CEP170B: variants seen among roughly 807,000 people sequenced by gnomAD.
CEP170B encodes the protein centrosomal protein of 170 kDa protein B.
A neutral mutation model predicts 120.6 loss-of-function variants in CEP170B; 55 were observed. The ratio of observed to expected loss-of-function variants is 0.46; its 90% confidence interval spans 0.37 to 0.57. CEP170B has a LOEUF of 0.57. Ranked by LOEUF, CEP170B falls within the 20% of genes least tolerant of loss-of-function variation. The probability of loss-of-function intolerance (pLI) is 0.00; values close to 1 mark genes in which losing one functional copy is unlikely to be tolerated. For synonymous variants in CEP170B, 1,033 were observed against 954.5 expected, an observed-to-expected ratio of 1.08 and a Z score of -1.52; for missense variants, 2,212 against 2,253.3, an observed-to-expected ratio of 0.98 and a Z score of 0.37.
chr14:104,879,430 C>G (rs1238752822), intron 5 of CEP170B, among the ~76,000 whole-genome samples: 1 of 152,130 alleles, frequency 6.6e-6, no homozygotes, highest in African/African-American at 2.4e-5. Flanking sequence ...GGATTTGTTG[C>G]TTCTTAGGGT....
chr14:104,878,827 G>A (rs962537716), intron 5 of CEP170B, among the ~76,000 whole-genome samples: 6 of 152,248 alleles, frequency 3.9e-5, no homozygotes, highest in African/African-American at 1.4e-4. Flanking sequence ...TCAGCCTGCT[G>A]GAGCTCCTGG....
rs2083543 is a variant in CEP170B at position 104,889,696 on chromosome 14, T to G, written c.3816T>G (p.Asp1272Glu). ...CCGGCCCCCGGGACACGGACGACGATGAGGAGGAGCCTGACCCTTATGGTT... is the reference window on the plus strand; with the variant it reads ...CCGGCCCCCGGGACACGGACGACGAGGAGGAGGAGCCTGACCCTTATGGTT... The part of the protein sequence containing the change: ...RAPGPRDTDD[D>E]EEEPDPYGFI... Residue 1272 changes from aspartate (D) to glutamate (E), a missense_variant, in exon 13 of 19, where the codon GAT becomes GAG. Transcript: ENST00000414716. The G allele has an allele frequency of 7.7e-4, 1,245 of 1,611,950 alleles. 11 individuals are homozygous for G. In the African/African-American group the frequency reaches 0.015, roughly 20 times the overall value.
rs72700202 is a variant in CEP170B, at chr14:104,895,087, G to T, written c.*129G>T. ...CCACATGTGCCATATCCCTGTGGGC[G>T]GGTGCCTCCCACGCCCTTGCCCCCT... On this transcript the variant is annotated 3_prime_UTR_variant, in exon 19 of 19. Coordinates refer to ENST00000414716, the MANE Select transcript of CEP170B (RefSeq NM_001112726.3). 1 of 1,137,104 alleles carries T rather than the reference G, an allele frequency of 8.8e-7. No individual in the cohort carries two copies. The highest frequency in any genetic ancestry group is 2.9e-5 in the Admixed American group (1 of 34,134). The allele number at this position is 1,137,104 out of a possible 1,614,324, so 70.4% of individuals were successfully genotyped here.
rs113829281 is a variant in CEP170B, at chr14:104,870,063, G to A, written c.105+1508G>A. Among the ~76,000 whole-genome samples, 758 of 152,186 alleles carry A rather than the reference G, an allele frequency of 5.0e-3. 4 individuals carry two copies. The highest frequency in any genetic ancestry group is 0.015 in the South Asian group (71 of 4,800). ...CTCTTTTCTTTATGCCTTTGGTAGC[G>A]GGAGAGAGTCGGTGGCTGGGGGCAG... is the stretch of plus-strand genomic sequence containing the variant. On this transcript the variant is annotated intron_variant, in intron 2 of 18. Coordinates refer to ENST00000414716, the MANE Select transcript of CEP170B (RefSeq NM_001112726.3). The surrounding 1 kb of genome is among the most constrained non-coding windows in gnomAD (Gnocchi z 4.1).
intron 16 of CEP170B, 105 bp downstream of exon 16, chr14:104,893,954 C>A: frequency 9.6e-7 from 1 of 1,041,916 alleles, no homozygotes. Context: ...TTCATGGGTA[C>A]TCGTGTGCAC....
Position 104,884,060 on chromosome 14 carries a change from C to T in CEP170B, c.1281C>T (p.Ser427=), listed in dbSNP as rs373943144. 2.8e-5 allele frequency: 45 copies of T among 1,608,252 alleles called. No individual in the cohort carries two copies. Among genetic ancestry groups the T allele is most frequent in the Middle Eastern group, 3.3e-4 (2 of 6,054 alleles). Residue 427 remains serine (S), a synonymous_variant, in exon 9 of 19, where the codon TCC becomes TCT. Transcript: ENST00000414716. ...CCCAGTCCTTCACGCACAGCCCGTC[C>T]GGGGACCCCAAGGCCGACAAGCGCC... ...KRSQSFTHSP[S]GDPKADKRRG...
At position 104,887,887 on chromosome 14, in the gene CEP170B, T is replaced by TG; in HGVS notation, c.3649dup (p.Val1217GlyfsTer57). 1 of 1,563,360 alleles carries TG rather than the reference T, an allele frequency of 6.4e-7. No homozygotes were observed. The highest frequency in any genetic ancestry group is 8.6e-7 in the Non-Finnish European group (1 of 1,159,020). On this transcript the variant is annotated frameshift_variant, in exon 12 of 19. Coordinates refer to ENST00000414716, the MANE Select transcript of CEP170B (RefSeq NM_001112726.3). LOFTEE classifies it high-confidence loss of function. ...AGCCCACCATGGCCGAAGCACGGGC[T>TG]GTCTCCAGGAAGGCTGCCAACACAG...
rs753821037 is a variant in CEP170B at position 104,887,414 on chromosome 14, G to T, written c.3175G>T (p.Asp1059Tyr). 1.9e-6 allele frequency: 3 copies of T among 1,611,878 alleles called. No individual in the cohort carries two copies. The African/African-American group carries it at 4.0e-5, about 22-fold the overall frequency. The part of the protein sequence containing the change: ...GPVLAHLPSS[D>Y]VMASNHETPE... ...TGTCCTCGCCCACCTACCCAGCTCA[G>T]ATGTGATGGCCTCCAACCACGAAAC... Residue 1059 changes from aspartate (D) to tyrosine (Y), a missense_variant, in exon 12 of 19, where the codon GAT becomes TAT. Asp to Tyr is a radical substitution (Grantham distance 160). Around this residue, in one of 2 missense-constraint regions of CEP170B, gnomAD observed 2,166 missense variants for 2,166.7 expected, o/e 1.00. Transcript: ENST00000414716.
chr14:104,882,893 G>A, intron 7 of CEP170B, 61 bp downstream of exon 7: 1 of 1,538,702 alleles, frequency 6.5e-7, no homozygotes, highest in African/African-American at 1.4e-5. Context: ...TGTGTGAAGG[G>A]GATGGCCTGG....
At chr14:104,879,641 G>C (rs1000863112) in intron 5 of CEP170B, among the ~76,000 whole-genome samples, 2 of 152,174 alleles carry the variant, frequency 1.3e-5, no homozygotes, top group Non-Finnish European at 2.9e-5. Flanking sequence ...GAGGCCGCCA[G>C]CAGGGGGTGG....
chr14:104,890,043 CA>C (rs1234928448), intron 13 of CEP170B, among the ~76,000 whole-genome samples: 1 of 26,794 alleles, frequency 3.7e-5, no homozygotes, highest in Non-Finnish European at 7.0e-5. Flanking sequence ...GGCAGGTGGG[CA>C]GGTAGATGGA....
At position 104,883,041 on chromosome 14, in the gene CEP170B, C is replaced by T. The variant is rs750424833; in HGVS notation, c.584C>T (p.Pro195Leu). The T allele has an allele frequency of 1.3e-6, 2 of 1,519,648 alleles. No homozygotes were observed. Among genetic ancestry groups the T allele is most frequent in the East Asian group, 2.4e-5 (1 of 41,202 alleles). 94.1% of individuals were successfully genotyped at this position (1,519,648 alleles called of 1,614,324 possible). A position where few individuals can be genotyped will look rare whatever the true frequency, so the allele number is the denominator to read the frequency against. The change falls in exon 8 of 19, where the codon CCC (proline) becomes CTC (leucine). Residue 195 changes from proline (P) to leucine (L), a missense_variant. By Grantham distance (98) the Pro-to-Leu change is moderately conservative. Transcript: ENST00000414716. Reference sequence around the variant, plus strand: ...AGACATCTTCCCACACCAGAGCGCCCCAAGGGACCAGTGCAGCAGGACGGG... The same window carrying T: ...AGACATCTTCCCACACCAGAGCGCCTCAAGGGACCAGTGCAGCAGGACGGG... ...QRQGEPYPER[P>L]KGPVQQDGEL... is the part of the protein sequence containing the mutation.
In CEP170B at chr14:104,893,749, G is replaced by A. The variant is rs201437683; in HGVS notation, c.4183-12G>A. 1.9e-5 allele frequency: 31 copies of A among 1,602,860 alleles called. 1 individual carries two copies. Among genetic ancestry groups the A allele is most frequent in the Middle Eastern group, 1.7e-4 (1 of 6,044 alleles). On this transcript the variant is annotated splice_polypyrimidine_tract_variant and intron_variant, in intron 15 of 18. Transcript: ENST00000414716. The stretch of plus-strand genomic sequence containing the variant: ...TCGAGGGCGGGGCCATGCTGAGGCC[G>A]GGCTCTTGCAGGTGATCTTCGATAA...
At chr14:104,882,378 T>C (rs1224759472) in intron 6 of CEP170B, among the ~76,000 whole-genome samples, 1 of 151,884 alleles carries the variant, frequency 6.6e-6, no homozygotes, top group East Asian at 1.9e-4. Flanking sequence ...CGGGGCAGGG[T>C]TGCAGGACGG....
In CEP170B at chr14:104,870,481, C is replaced by G. The variant is rs1329650013; in HGVS notation, c.105+1926C>G. Among the ~76,000 whole-genome samples, 1 of 152,182 alleles carries G rather than the reference C, an allele frequency of 6.6e-6. No individual in the cohort carries two copies. The highest frequency in any genetic ancestry group is 1.9e-4 in the East Asian group (1 of 5,194). On this transcript the variant is annotated intron_variant, in intron 2 of 18. Transcript: ENST00000414716. This position sits in a 1 kb window ranked among gnomAD's most constrained non-coding sequence, Gnocchi z 4.1. ...GGTGGCATCAGTGATGGCCGCGCTG[C>G]TCTACCTAGGGTGGCTAGGAGGGCT...
In CEP170B at chr14:104,868,165, C is replaced by T. The variant is rs186556513; in HGVS notation, c.-27-259C>T. 6.6e-6 allele frequency among the ~76,000 whole-genome samples: 1 copy of T among 152,234 alleles called. No individual in the cohort carries two copies. Among genetic ancestry groups the T allele is most frequent in the African/African-American group, 2.4e-5 (1 of 41,548 alleles). ...TAGAGGAGATGAGGTGTGCTGGGGC[C>T]TGGAGGATAAGGGAGAACCAGGCAG... is the stretch of plus-strand genomic sequence containing the variant. On this transcript the variant is annotated intron_variant, in intron 1 of 18. Coordinates refer to ENST00000414716, the MANE Select transcript of CEP170B (RefSeq NM_001112726.3). This position sits in a 1 kb window ranked among gnomAD's most constrained non-coding sequence, Gnocchi z 5.9.
intron 4 of CEP170B, 47 bp downstream of exon 4, chr14:104,878,010 C>T (rs2304757): frequency 1.2e-5 from 17 of 1,476,500 alleles, no homozygotes; most frequent in Non-Finnish European, 1.3e-5. Context: ...TTCTCAGTCC[C>T]CAGGACCACA....
At chr14:104,872,383 CAT>C (rs1895588517) in intron 2 of CEP170B, among the ~76,000 whole-genome samples, 2 of 75,156 alleles carry the variant, frequency 2.7e-5, no homozygotes, top group Admixed American at 1.8e-4. Flanking sequence ...CATGGGTGTG[CAT>C]GTGTGCCGTG....
intron 14 of CEP170B, 35 bp from the exon 15 acceptor site, chr14:104,893,488 C>G (rs1444027961): frequency 7.6e-6 from 12 of 1,581,042 alleles, no homozygotes; most frequent in Middle Eastern, 1.8e-4. Context: ...GGAGCCTCTG[C>G]CTGGGGCCCA....
Sources: allele counts gnomAD v4.1 joint callset (sites outside exome capture counted in the v4.1 genomes callset), GRCh38; gene constraint gnomAD v4.1.1; regional missense constraint gnomAD v4.1.1; non-coding constraint Gnocchi (gnomAD v3.1); transcripts MANE v1.5; gene names NCBI Gene and HGNC (gene_info 2026-07-23, HGNC 2026-07-21).